The following CNTN5 variants were observed in gnomAD, a reference collection of about 807,000 sequenced individuals.
The protein encoded by CNTN5 is contactin-5.
In CNTN5, 77 loss-of-function variants were observed where a neutral mutation model predicts 129.1. The observed-to-expected ratio is 0.60, with a 90% CI of 0.50 to 0.72. The LOEUF (loss-of-function observed/expected upper bound fraction) is 0.72, where lower values mean the gene tolerates loss of function less well. CNTN5 is among the 30% of genes least tolerant of loss of function. The pLI is 0.00. For synonymous variants in CNTN5, 509 were observed against 465.6 expected (o/e 1.09, Z -1.20); for missense variants, 1,478 against 1,328.8 (o/e 1.11, Z -1.75).
At chr11:99,339,788 G>GA (rs60995909) in intron 2 of CNTN5, among the ~76,000 whole-genome samples, 89 of 140,880 alleles carry the variant, frequency 6.3e-4, no homozygotes, top group African/African-American at 2.3e-3. Context: ...ACTCAAAAAA[G>GA]AAAAAAAAAA....
chr11:100,148,728 CAA>C (rs1379532177), intron 13 of CNTN5, among the ~76,000 whole-genome samples: 2 of 151,990 alleles, frequency 1.3e-5, no homozygotes, highest in Non-Finnish European at 2.9e-5. Context: ...ATCTAACAAA[CAA>C]ACACGTGTGG....
At chr11:99,723,260 T>A (rs1315636164) in intron 3 of CNTN5, among the ~76,000 whole-genome samples, 4 of 152,150 alleles carry the variant, frequency 2.6e-5, no homozygotes, top group African/African-American at 7.2e-5. Flanking sequence ...AAACTTGTAT[T>A]TCTTCCATGG....
At chr11:99,985,141 C>A (rs1938598864) in intron 8 of CNTN5, among the ~76,000 whole-genome samples, 3 of 152,150 alleles carry the variant, frequency 2.0e-5, no homozygotes, top group African/African-American at 7.2e-5. Flanking sequence ...GGGATGGCTT[C>A]CCTCTGCTGG....
intron 4 of CNTN5, among the ~76,000 whole-genome samples, chr11:99,843,247 C>G (rs570624369): frequency 1.3e-5 from 2 of 152,162 alleles, no homozygotes; most frequent in Admixed American, 1.3e-4. Flanking sequence ...AAACTTGCAT[C>G]TAGGTTATCT....
intron 3 of CNTN5, among the ~76,000 whole-genome samples, chr11:99,797,392 C>T (rs905488814): frequency 5.3e-5 from 8 of 152,120 alleles, no homozygotes; most frequent in Admixed American, 5.2e-4. Flanking sequence ...GTTCCCTTTA[C>T]ACTGCAGCCT....
chr11:99,623,578 A>G (rs1472749321), intron 3 of CNTN5, among the ~76,000 whole-genome samples: 1 of 151,994 alleles, frequency 6.6e-6, no homozygotes, highest in Non-Finnish European at 1.5e-5. Flanking sequence ...TGACAAAGAA[A>G]ATGAAGAAGG....
intron 2 of CNTN5, among the ~76,000 whole-genome samples, chr11:99,342,571 C>CAAAAAAAAAAAAAAAAAAA (rs58710723): frequency 4.1e-5 from 1 of 24,512 alleles, no homozygotes; most frequent in Non-Finnish European, 6.4e-5. Context: ...CCCGTTATCT[C>CAAAAAAAAAAAAAAAAAAA]AAAAAAAAAA....
At chr11:99,836,545 A>G (rs528271945) in intron 4 of CNTN5, among the ~76,000 whole-genome samples, 3 of 152,032 alleles carry the variant, frequency 2.0e-5, no homozygotes, top group East Asian at 3.9e-4. Context: ...TCTATCATTG[A>G]TGGACATTTG....
chr11:99,644,967 T>C (rs868079734), intron 3 of CNTN5, among the ~76,000 whole-genome samples: 5 of 151,576 alleles, frequency 3.3e-5, no homozygotes, highest in African/African-American at 9.7e-5. Flanking sequence ...CAAAAAGATA[T>C]GAAAAAAAAA....
At chr11:99,523,310 A>T (rs930421310) in intron 2 of CNTN5, among the ~76,000 whole-genome samples, 1 of 152,278 alleles carries the variant, frequency 6.6e-6, no homozygotes, top group African/African-American at 2.4e-5. Context: ...GCTGTTTAAA[A>T]TAGAATGCTT....
At chr11:99,493,566 G>A (rs919051957) in intron 2 of CNTN5, among the ~76,000 whole-genome samples, 2 of 152,166 alleles carry the variant, frequency 1.3e-5, no homozygotes, top group Admixed American at 6.5e-5. Flanking sequence ...AAACTTAAGT[G>A]ACAGAGATAC....
intron 13 of CNTN5, among the ~76,000 whole-genome samples, chr11:100,182,803 C>G (rs1179648899): frequency 1.3e-5 from 2 of 151,828 alleles, no homozygotes; most frequent in Non-Finnish European, 2.9e-5. Flanking sequence ...TAAACTTCAA[C>G]ATGAGGAATT....
chr11:99,083,573 C>G (rs977666883), intron 1 of CNTN5, among the ~76,000 whole-genome samples: 2 of 151,860 alleles, frequency 1.3e-5, no homozygotes, highest in African/African-American at 4.8e-5. Context: ...AATACTGGCT[C>G]TAGAAGTGTT....
chr11:99,320,533 A>C (rs1865525465), intron 1 of CNTN5, among the ~76,000 whole-genome samples: 1 of 152,184 alleles, frequency 6.6e-6, no homozygotes. Context: ...TTAGGAATTA[A>C]AGAAAGCCAG....
chr11:99,709,740 G>T (rs1954895970), intron 3 of CNTN5, among the ~76,000 whole-genome samples: 1 of 151,678 alleles, frequency 6.6e-6, no homozygotes, highest in African/African-American at 2.4e-5. Flanking sequence ...ATTCATTAAG[G>T]TATATAATAA....
At chr11:100,237,017 G>A (rs1049181679) in intron 16 of CNTN5, among the ~76,000 whole-genome samples, 1 of 151,644 alleles carries the variant, frequency 6.6e-6, no homozygotes, top group Non-Finnish European at 1.5e-5. Flanking sequence ...GTGAAACCCC[G>A]TCTCTACTAA....
chr11:99,404,241 T>C (rs1016528846), intron 2 of CNTN5, among the ~76,000 whole-genome samples: 1 of 151,850 alleles, frequency 6.6e-6, no homozygotes, highest in Non-Finnish European at 1.5e-5. Flanking sequence ...TCAGACTATG[T>C]GTGTATTTAT....
chr11:100,312,757 A>G (rs1259329706), intron 21 of CNTN5, among the ~76,000 whole-genome samples: 1 of 152,056 alleles, frequency 6.6e-6, no homozygotes, highest in East Asian at 1.9e-4. Context: ...AATCTAAAAC[A>G]GCAAGCTACT....
chr11:99,922,201 A>C (rs1949956170), intron 7 of CNTN5, among the ~76,000 whole-genome samples: 1 of 152,178 alleles, frequency 6.6e-6, no homozygotes, highest in Non-Finnish European at 1.5e-5. Flanking sequence ...AGCATGTGCA[A>C]GGGAACTGCC....
Sources: gnomAD v4.1 joint callset for allele counts (sites outside exome capture counted in the v4.1 genomes callset) on GRCh38, gnomAD v4.1.1 for gene constraint, MANE v1.5 for transcripts, NCBI Gene and HGNC (gene_info 2026-07-23, HGNC 2026-07-21) for gene names.